KALRN: variants seen among roughly 807,000 people sequenced by gnomAD.
KALRN encodes kalirin.
In KALRN, 70 loss-of-function variants were observed where a neutral mutation model predicts 353.7. The observed-to-expected ratio is 0.20, with a 90% CI of 0.16 to 0.24. The LOEUF (loss-of-function observed/expected upper bound fraction) is 0.24, where lower values mean the gene tolerates loss of function less well. Ranked by LOEUF, KALRN falls within the 10% of genes least tolerant of loss-of-function variation. KALRN has a pLI of 1.00. For missense variants in KALRN, 2,791 were observed against 3,756.7 expected (o/e 0.74, Z 6.72); for synonymous variants, 1,391 against 1,434.8 (o/e 0.97, Z 0.69).
chr3:124,587,227 A>G (rs925564552), intron 34 of KALRN, among the ~76,000 whole-genome samples: 2 of 148,022 alleles, frequency 1.4e-5, no homozygotes, highest in African/African-American at 4.9e-5. Flanking sequence ...TCCACCTTGT[A>G]GATAAAGGCG....
chr3:124,277,102 CT>C (rs2148998313), intron 5 of KALRN, among the ~76,000 whole-genome samples: 1 of 152,340 alleles, frequency 6.6e-6, no homozygotes, highest in South Asian at 2.1e-4. Context: ...ATAAGGGTCA[CT>C]TGACATGTGT....
intron 6 of KALRN, among the ~76,000 whole-genome samples, chr3:124,301,158 A>C (rs187982036): frequency 3.3e-5 from 5 of 152,346 alleles, no homozygotes; most frequent in Admixed American, 1.3e-4. Flanking sequence ...TGAACTGCAA[A>C]GTTAAATCAA....
intron 1 of KALRN, among the ~76,000 whole-genome samples, chr3:124,093,369 T>C (rs540853150): frequency 1.7e-4 from 26 of 152,320 alleles, no homozygotes; most frequent in African/African-American, 6.3e-4. Context: ...AGAGCTGTGA[T>C]GAATGTGCAG....
At chr3:124,441,502 T>C (rs2093663952) in intron 18 of KALRN, among the ~76,000 whole-genome samples, 1 of 152,316 alleles carries the variant, frequency 6.6e-6, no homozygotes, top group South Asian at 2.1e-4. Flanking sequence ...TCCTTCTAGA[T>C]TCCTTCAGAG....
At chr3:124,169,002 A>C (rs1392548095) in intron 1 of KALRN, among the ~76,000 whole-genome samples, 1 of 152,224 alleles carries the variant, frequency 6.6e-6, no homozygotes, top group South Asian at 2.1e-4. Context: ...TTGACTCTTG[A>C]GTGGAAAGAC....
At chr3:124,583,356 ATAC>A in intron 34 of KALRN, among the ~76,000 whole-genome samples, 1 of 105,864 alleles carries the variant, frequency 9.4e-6, no homozygotes, top group Non-Finnish European at 2.2e-5. Flanking sequence ...CCTGTGAGTA[ATAC>A]AGTGGTTCAT....
intron 32 of KALRN, among the ~76,000 whole-genome samples, chr3:124,495,965 G>GTATGTATATATATA (rs2063707218): frequency 4.8e-5 from 2 of 41,480 alleles, no homozygotes; most frequent in African/African-American, 1.4e-4. Context: ...GTGTATGTAT[G>GTATGTATATATATA]TATATATATA....
Position 124,300,506 on chromosome 3 carries a change from AGGACACATGCT to A in KALRN, c.1092+1607_1092+1617del, listed in dbSNP as rs532132196. Among the ~76,000 whole-genome samples the A allele has an allele frequency of 5.8e-3, 888 of 152,310 alleles. 3 individuals carry two copies. The highest frequency in any genetic ancestry group is 8.2e-3 in the Non-Finnish European group (560 of 68,034). On this transcript the variant is annotated intron_variant, in intron 6 of 59. Coordinates refer to ENST00000682506, the MANE Select transcript of KALRN (RefSeq NM_001388419.1). ...TCTTGCCAGGCAAAGCATGTACCCAAGGACACATGCTGGACACATGCTGGCTCTGAAACTTT... is the reference window on the plus strand; with the variant it reads ...TCTTGCCAGGCAAAGCATGTACCCAAGGACACATGCTGGCTCTGAAACTTT...
At chr3:124,638,512 CACCA>C (rs1388380427) in intron 37 of KALRN, among the ~76,000 whole-genome samples, 3 of 152,210 alleles carry the variant, frequency 2.0e-5, no homozygotes, top group African/African-American at 7.2e-5. Context: ...TCCCTCTCCA[CACCA>C]ACCTATATAC....
At position 124,697,645 on chromosome 3, in the gene KALRN, C is replaced by T. The variant is rs754301264; in HGVS notation, c.7752C>T (p.Ser2584=). The change falls in exon 55 of 60, where the codon TCC becomes TCT. Residue 2584 remains serine (S), a synonymous_variant. Coordinates refer to ENST00000682506, the MANE Select transcript of KALRN (RefSeq NM_001388419.1). ...RPIAQERSCT[S]VILRWLPPSS... The stretch of plus-strand genomic sequence containing the variant: ...TTGCCCAGGAGAGAAGCTGCACCTC[C>T]GTGATTCTCCGCTGGCTGCCCCCCT... 13 of 1,610,862 alleles carry T rather than the reference C, an allele frequency of 8.1e-6. No homozygotes were observed. Among genetic ancestry groups the T allele is most frequent in the East Asian group, 6.7e-5 (3 of 44,680 alleles).
At chr3:124,235,004 T>A in intron 3 of KALRN, 61 bp downstream of exon 3, 1 of 1,223,728 alleles carries the variant, frequency 8.2e-7, no homozygotes, top group Non-Finnish European at 1.2e-6. Flanking sequence ...ATGCCAGTTT[T>A]GGAAGGAGCC....
intron 34 of KALRN, among the ~76,000 whole-genome samples, chr3:124,627,628 C>T (rs974004513): frequency 6.6e-6 from 1 of 152,214 alleles, no homozygotes; most frequent in African/African-American, 2.4e-5. Flanking sequence ...AGTAGAGCCA[C>T]ATGGCATCAC....
At chr3:124,435,314 G>A (rs950294653) in intron 17 of KALRN, among the ~76,000 whole-genome samples, 1 of 152,146 alleles carries the variant, frequency 6.6e-6, no homozygotes, top group African/African-American at 2.4e-5. Flanking sequence ...CTGTCATTAG[G>A]GAACTAGAAA....
rs750693702 is a variant in KALRN, at chr3:124,699,978, C to T, written c.7941C>T (p.Pro2647=). 4 of 1,614,018 alleles carry T rather than the reference C, an allele frequency of 2.5e-6. No homozygotes were observed. The change falls in exon 56 of 60, where the codon CCC becomes CCT. Residue 2647 remains proline (P), a synonymous_variant. Transcript: ENST00000682506. ...AGTTCAGAGTCAGTGCCAGTAACCC[C>T]TGGGGAATCAGCCTTCCCAGCGAGC... ...PYQFRVSASN[P]WGISLPSEPS...
At chr3:124,081,798 A>C (rs751869399) in intron 1 of KALRN, among the ~76,000 whole-genome samples, 1 of 152,008 alleles carries the variant, frequency 6.6e-6, no homozygotes, top group East Asian at 1.9e-4. Flanking sequence ...AAAACAAACA[A>C]ACAAAAAACA....
At position 124,385,075 on chromosome 3, in the gene KALRN, C is replaced by T. The variant is rs575560077; in HGVS notation, c.1962+39C>T. The T allele has an allele frequency of 4.6e-6, 7 of 1,526,540 alleles. No individual in the cohort carries two copies. In the Admixed American group the frequency reaches 5.5e-5, roughly 12 times the overall value. The allele number at this position is 1,526,540 out of a possible 1,614,324, so 94.6% of individuals were successfully genotyped here. On this transcript the variant is annotated intron_variant, in intron 11 of 59. Coordinates refer to ENST00000682506, the MANE Select transcript of KALRN (RefSeq NM_001388419.1). Reference sequence around the variant, plus strand: ...GTGGAGAGAGGGCATTCTGTCCTGCCAGGGTCAGGTCGGCTTCCTAGTAAA... The same window carrying T: ...GTGGAGAGAGGGCATTCTGTCCTGCTAGGGTCAGGTCGGCTTCCTAGTAAA...
chr3:124,384,507 C>G (rs930796924), intron 10 of KALRN: 2 of 199,254 alleles, frequency 1.0e-5, no homozygotes, highest in Non-Finnish European at 2.0e-5. Context: ...CTGGCAGTTA[C>G]AGCCTGAGAT....
At chr3:124,246,248 A>G (rs1178820070) in intron 3 of KALRN, among the ~76,000 whole-genome samples, 1 of 152,256 alleles carries the variant, frequency 6.6e-6, no homozygotes, top group East Asian at 1.9e-4. Flanking sequence ...AAACATTCTT[A>G]TCACCATCAT....
At chr3:124,042,120 G>C (rs142013738) in intron 1 of KALRN, among the ~76,000 whole-genome samples, 5 of 152,318 alleles carry the variant, frequency 3.3e-5, no homozygotes, top group South Asian at 4.1e-4. Flanking sequence ...AAGACAGAAA[G>C]TGTTGTGATC....
Sources: gnomAD v4.1 joint callset for allele counts (sites outside exome capture counted in the v4.1 genomes callset) on GRCh38, gnomAD v4.1.1 for gene constraint, MANE v1.5 for transcripts, NCBI Gene and HGNC (gene_info 2026-07-23, HGNC 2026-07-21) for gene names.